E2F7: variants seen among roughly 807,000 people sequenced by gnomAD.
The protein encoded by E2F7 is transcription factor E2F7.
A neutral mutation model predicts 81.1 loss-of-function variants in E2F7; 35 were observed. The ratio of observed to expected loss-of-function variants is 0.43; its 90% confidence interval spans 0.33 to 0.57. The LOEUF is 0.57. E2F7 is among the 20% of genes least tolerant of loss of function. The pLI is 0.04. For synonymous variants in E2F7, 416 were observed against 416.2 expected, an observed-to-expected ratio of 1.00 and a Z score of 0.01; for missense variants, 961 against 1,093.7, an observed-to-expected ratio of 0.88 and a Z score of 1.71.
intron 9 of E2F7, among the ~76,000 whole-genome samples, chr12:77,031,083 A>C (rs1954802747): frequency 6.6e-6 from 1 of 152,158 alleles, no homozygotes. Context: ...ATAAATGTAC[A>C]AGTTTATAGG....
At chr12:77,048,167 C>A (rs1356184752) in intron 4 of E2F7, among the ~76,000 whole-genome samples, 9 of 152,074 alleles carry the variant, frequency 5.9e-5, no homozygotes, top group African/African-American at 2.2e-4. Context: ...CAATCCCTTA[C>A]CTCTTTCATC....
At chr12:77,038,979 C>T (rs561908574) in intron 7 of E2F7, among the ~76,000 whole-genome samples, 3 of 152,304 alleles carry the variant, frequency 2.0e-5, no homozygotes, top group Non-Finnish European at 4.4e-5. Context: ...TACTTCCCAG[C>T]TTGTTTTAAG....
At chr12:77,038,850 T>A (rs1273204316) in intron 7 of E2F7, among the ~76,000 whole-genome samples, 2 of 152,170 alleles carry the variant, frequency 1.3e-5, no homozygotes, top group African/African-American at 4.8e-5. Flanking sequence ...CAGACCCAAA[T>A]GACTTCACTG....
chr12:77,028,195 TCTC>T lies in E2F7; in HGVS notation c.1885-60_1885-58del, dbSNP rs754913151. 6.8e-4 allele frequency: 915 copies of T among 1,349,260 alleles called. 2 individuals carry two copies. Among genetic ancestry groups the T allele is most frequent in the East Asian group, 1.5e-3 (53 of 34,782 alleles). The allele number at this position is 1,349,260 out of a possible 1,614,324, so 83.6% of individuals were successfully genotyped here. A position where few individuals can be genotyped will look rare whatever the true frequency, so the allele number is the denominator to read the frequency against. On this transcript the variant is annotated intron_variant, in intron 10 of 12. Transcript: ENST00000322886. ...TAAGTTAAAATTCCAGTAGTAAATCTCTCTTTTTTTTTTTTGAGATGGAGTCTC... is the reference window on the plus strand; with the variant it reads ...TAAGTTAAAATTCCAGTAGTAAATCTTTTTTTTTTTTTGAGATGGAGTCTC...
chr12:77,057,701 A>G (rs1955044125), intron 2 of E2F7, among the ~76,000 whole-genome samples: 1 of 152,248 alleles, frequency 6.6e-6, no homozygotes, highest in Admixed American at 6.5e-5. Context: ...TTTGGAACTA[A>G]CAAGTAATTA....
chr12:77,046,819 A>G (rs902624848), intron 4 of E2F7, among the ~76,000 whole-genome samples: 1 of 152,244 alleles, frequency 6.6e-6, no homozygotes, highest in Non-Finnish European at 1.5e-5. Flanking sequence ...TGAAGTTCCA[A>G]TGATATAAAA....
chr12:77,043,112 C>T lies in E2F7; in HGVS notation c.1076G>A (p.Arg359His), dbSNP rs751517596. 12 of 1,614,030 alleles carry T rather than the reference C, an allele frequency of 7.4e-6. No homozygotes were observed. Among genetic ancestry groups the T allele is most frequent in the East Asian group, 2.2e-5 (1 of 44,890 alleles). ...CCCGATCCACTTGAAGGCTGGTTTA[C>T]GACCTCGCTCTTCTGTTACATGCAC... ...KKVHVTEERGRKPAFKWIGPV... is the reference protein window; with the variant it reads ...KKVHVTEERGHKPAFKWIGPV... The change falls in exon 7 of 13, where the codon CGT becomes CAT. Residue 359 changes from arginine to histidine, a missense_variant. This residue lies in a region of E2F7 where 301 missense variants were observed against 405.0 expected (regional missense o/e 0.74). Coordinates refer to ENST00000322886, the MANE Select transcript of E2F7 (RefSeq NM_203394.3).
chr12:77,060,886 T>G (rs957848704), intron 2 of E2F7, among the ~76,000 whole-genome samples: 4 of 152,218 alleles, frequency 2.6e-5, no homozygotes, highest in African/African-American at 9.6e-5. Context: ...CTGCTCTTAC[T>G]TAGGTCACCT....
rs796522601 is a variant in E2F7, at chr12:77,057,056, A to G, written c.94-926T>C. Among the ~76,000 whole-genome samples the G allele has an allele frequency of 2.0e-5, 3 of 151,686 alleles. No individual in the cohort carries two copies. The East Asian group carries it at 5.8e-4, about 29-fold the overall frequency. On this transcript the variant is annotated intron_variant, in intron 2 of 12. Transcript: ENST00000322886. ...CATGCACCACTACACCCAAATACTTATATTTTATTTTTTGGAGATAGGGTC... is the reference window on the plus strand; with the variant it reads ...CATGCACCACTACACCCAAATACTTGTATTTTATTTTTTGGAGATAGGGTC...
At position 77,029,921 on chromosome 12, in the gene E2F7, C is replaced by T. The variant is rs756760629; in HGVS notation, c.1794G>A (p.Glu598=). The stretch of plus-strand genomic sequence containing the variant: ...CATCCTCCTCCTGAGGTTTCCTCTC[C>T]TCACAGAGGCGCTTCTGAGCTGAGG... ...SAPSAQKRLC[E]ERKPQEEDEP... The change falls in exon 10 of 13, where the codon GAG becomes GAA. Residue 598 remains glutamate, a synonymous_variant. Coordinates refer to ENST00000322886, the MANE Select transcript of E2F7 (RefSeq NM_203394.3). The T allele has an allele frequency of 3.1e-6, 5 of 1,614,116 alleles. No individual in the cohort carries two copies. The highest frequency in any genetic ancestry group is 4.2e-6 in the Non-Finnish European group (5 of 1,180,056).
chr12:77,024,143 G>A lies in E2F7; in HGVS notation c.2608C>T (p.Arg870Cys), dbSNP rs867819656. Residue 870 changes from arginine (R) to cysteine (C), a missense_variant, in exon 13 of 13, where the codon CGT becomes TGT. Arg to Cys is a radical substitution (Grantham distance 180). Transcript: ENST00000322886. The part of the protein sequence containing the change: ...VTPKSIQRTH[R>C]ETFFKTPGSL... Reference sequence around the variant, plus strand: ...CCGGGTGTCTTGAAAAACGTCTCACGATGTGTGCGTTGGATGCTCTTGGGG... The same window carrying A: ...CCGGGTGTCTTGAAAAACGTCTCACAATGTGTGCGTTGGATGCTCTTGGGG... 2 of 1,613,898 alleles carry A rather than the reference G, an allele frequency of 1.2e-6. No individual in the cohort carries two copies. Among genetic ancestry groups the A allele is most frequent in the African/African-American group, 1.3e-5 (1 of 74,864 alleles).
chr12:77,062,255 A>C (rs915356892), intron 2 of E2F7, among the ~76,000 whole-genome samples: 1 of 152,152 alleles, frequency 6.6e-6, no homozygotes, highest in Non-Finnish European at 1.5e-5. Flanking sequence ...AGATTAGGAA[A>C]CTCATTAAAT....
intron 6 of E2F7, chr12:77,044,296 GA>G: frequency 1.7e-5 from 8 of 465,332 alleles, no homozygotes; most frequent in Non-Finnish European, 2.6e-5. Context: ...AGGGGGTGGG[GA>G]AAAAAGGGGA....
At chr12:77,064,909 T>C (rs1476649698) in intron 1 of E2F7, among the ~76,000 whole-genome samples, 1 of 152,046 alleles carries the variant, frequency 6.6e-6, no homozygotes, top group East Asian at 1.9e-4. Context: ...GATGGCAAAA[T>C]AAAGTTACCA....
chr12:77,058,413 C>A (rs1955051932), intron 2 of E2F7, among the ~76,000 whole-genome samples: 1 of 152,142 alleles, frequency 6.6e-6, no homozygotes, highest in South Asian at 2.1e-4. Context: ...CAAGAAACAG[C>A]TGAAGGCAGA....
chr12:77,041,278 GC>G (rs1319440299), intron 7 of E2F7, among the ~76,000 whole-genome samples: 57 of 152,132 alleles, frequency 3.7e-4, no homozygotes, highest in Non-Finnish European at 1.0e-4. Flanking sequence ...TGCAACCTCC[GC>G]CTCCCTGGTT....
At chr12:77,052,450 GAA>G (rs887198138) in intron 3 of E2F7, among the ~76,000 whole-genome samples, 2 of 152,118 alleles carry the variant, frequency 1.3e-5, no homozygotes, top group African/African-American at 4.8e-5. Context: ...CAGCTAGGGG[GAA>G]GAGAAAGACC....
At chr12:77,029,413 A>G (rs961391623) in intron 10 of E2F7, among the ~76,000 whole-genome samples, 4 of 152,234 alleles carry the variant, frequency 2.6e-5, no homozygotes, top group South Asian at 2.1e-4. Flanking sequence ...GTGACCAAGC[A>G]TAAGATCTGA....
Position 77,022,895 on chromosome 12 carries a change from A to G in E2F7, c.*1120T>C, listed in dbSNP as rs948035994. The G allele has an allele frequency of 6.6e-6, 1 of 152,212 alleles. No homozygotes were observed. Among genetic ancestry groups the G allele is most frequent in the Non-Finnish European group, 1.5e-5 (1 of 68,044 alleles). The allele number at this position is 152,212 out of a possible 1,614,324, so 9.4% of individuals were successfully genotyped here. A position where few individuals can be genotyped will look rare whatever the true frequency, so the allele number is the denominator to read the frequency against. ...TTCTCATTTTTCAGAGGTACCAACTAACTACAGTTTGAATACCCTTGGATA... is the reference window on the plus strand; with the variant it reads ...TTCTCATTTTTCAGAGGTACCAACTGACTACAGTTTGAATACCCTTGGATA... On this transcript the variant is annotated 3_prime_UTR_variant, in exon 13 of 13. Coordinates refer to ENST00000322886, the MANE Select transcript of E2F7 (RefSeq NM_203394.3).
Sources: gnomAD v4.1 joint callset for allele counts (sites outside exome capture counted in the v4.1 genomes callset) on GRCh38, gnomAD v4.1.1 for gene constraint, gnomAD v4.1.1 regional missense constraint, MANE v1.5 for transcripts, NCBI Gene and HGNC (gene_info 2026-07-23, HGNC 2026-07-21) for gene names.